Variants in PSME4 observed in about 807,000 individuals in gnomAD.
PSME4 encodes the protein proteasome activator complex subunit 4.
Under a neutral mutation model 253.9 loss-of-function variants are expected in PSME4, and 89 were observed. That is an observed-to-expected ratio of 0.35 (90% confidence interval 0.30 to 0.42). PSME4 has a LOEUF of 0.42. PSME4 is among the 10% of genes least tolerant of loss of function. The pLI is 1.00. For missense variants in PSME4, 2,014 were observed against 2,195.2 expected (o/e 0.92, Z 1.65); for synonymous variants, 851 against 759.2 (o/e 1.12, Z -1.99).
chr2:53,911,227 G>A (rs1483501556), intron 20 of PSME4, among the ~76,000 whole-genome samples: 1 of 152,068 alleles, frequency 6.6e-6, no homozygotes, highest in Non-Finnish European at 1.5e-5. Context: ...ACCTTCTCAA[G>A]TTTCAAAACC....
intron 11 of PSME4, among the ~76,000 whole-genome samples, 191 bp from the exon 12 acceptor site, chr2:53,927,674 CA>C (rs752451551): frequency 9.2e-5 from 14 of 152,182 alleles, no homozygotes; most frequent in Non-Finnish European, 1.8e-4. Context: ...CGGCCGAGCG[CA>C]GTGGCTCACA....
At chr2:53,941,844 A>G (rs1669469717) in intron 3 of PSME4, among the ~76,000 whole-genome samples, 1 of 152,140 alleles carries the variant, frequency 6.6e-6, no homozygotes, top group Non-Finnish European at 1.5e-5. Flanking sequence ...GTTCTGCGCT[A>G]CACAGAAAAC....
chr2:53,888,891 A>T (rs1679761377), intron 37 of PSME4, 79 bp from the exon 38 acceptor site: 5 of 1,206,016 alleles, frequency 4.1e-6, no homozygotes, highest in South Asian at 2.7e-5. Flanking sequence ...TATTTAATTT[A>T]ATTTTATTTT....
At chr2:53,966,966 G>A (rs997817330) in intron 1 of PSME4, among the ~76,000 whole-genome samples, 1 of 152,102 alleles carries the variant, frequency 6.6e-6, no homozygotes, top group Admixed American at 6.5e-5. Context: ...CCAAAGTGCT[G>A]GGATTACAGG....
At chr2:53,873,072 C>T (rs1361083185) in intron 43 of PSME4, among the ~76,000 whole-genome samples, 1 of 151,478 alleles carries the variant, frequency 6.6e-6, no homozygotes, top group African/African-American at 2.4e-5. Flanking sequence ...AACCCCGTCT[C>T]TACTAAAAAT....
rs1679680361 is a variant in PSME4, at chr2:53,887,193, A to T, written c.4729+66T>A. The T allele has an allele frequency of 7.7e-6, 11 of 1,424,736 alleles. No individual in the cohort carries two copies. In the South Asian group the frequency reaches 1.3e-4, roughly 17 times the overall value. The allele number at this position is 1,424,736 out of a possible 1,614,324, so 88.3% of individuals were successfully genotyped here. A position where few individuals can be genotyped will look rare whatever the true frequency, so the allele number is the denominator to read the frequency against. Reference sequence around the variant, plus strand: ...TTTACCACAATAAAAAAAGTGGTGCAAAAAACTCTACAGGATAATCAAATA... The same window carrying T: ...TTTACCACAATAAAAAAAGTGGTGCTAAAAACTCTACAGGATAATCAAATA... On this transcript the variant is annotated intron_variant, in intron 40 of 46. Coordinates refer to ENST00000404125, the MANE Select transcript of PSME4 (RefSeq NM_014614.3).
intron 1 of PSME4, among the ~76,000 whole-genome samples, chr2:53,951,745 A>T (rs539800732): frequency 7.2e-5 from 11 of 152,354 alleles, no homozygotes; most frequent in African/African-American, 2.6e-4. Flanking sequence ...GAGATGCTCA[A>T]TCGGTAAGAA....
chr2:53,908,663 C>G (rs944740593), intron 22 of PSME4, 98 bp from the exon 23 acceptor site: 14 of 1,454,510 alleles, frequency 9.6e-6, no homozygotes, highest in African/African-American at 1.4e-5. Flanking sequence ...AAAAAAATCA[C>G]TGCCCAATAT....
chr2:53,965,655 G>A (rs1194876773), intron 1 of PSME4, among the ~76,000 whole-genome samples: 1 of 145,732 alleles, frequency 6.9e-6, no homozygotes, highest in Non-Finnish European at 1.5e-5. Context: ...TAAAATTTTG[G>A]TTGTGTGTTT....
chr2:53,911,031 C>T lies in PSME4; in HGVS notation c.2517-901G>A, dbSNP rs190796636. ...CATGAAGAAAATACTATTTTTAAAT[C>T]AACACATCCCCAGCTATATTGTATA... On this transcript the variant is annotated intron_variant, in intron 20 of 46. Transcript: ENST00000404125. Among the ~76,000 whole-genome samples, 25 of 152,272 alleles carry T rather than the reference C, an allele frequency of 1.6e-4. No homozygotes were observed. In the East Asian group the frequency reaches 2.9e-3, roughly 18 times the overall value.
intron 41 of PSME4, among the ~76,000 whole-genome samples, chr2:53,882,644 T>C (rs1210962184): frequency 6.6e-6 from 1 of 152,190 alleles, no homozygotes; most frequent in Non-Finnish European, 1.5e-5. Flanking sequence ...GGCTCAAAAC[T>C]TCACGCTGTT....
At chr2:53,926,539 G>A (rs1668565263) in intron 12 of PSME4, among the ~76,000 whole-genome samples, 1 of 152,064 alleles carries the variant, frequency 6.6e-6, no homozygotes, top group Non-Finnish European at 1.5e-5. Context: ...CAATTAGCCA[G>A]GCATGTTGGC....
At chr2:53,965,690 G>C (rs182689988) in intron 1 of PSME4, among the ~76,000 whole-genome samples, 3 of 142,474 alleles carry the variant, frequency 2.1e-5, no homozygotes, top group Admixed American at 1.4e-4. Flanking sequence ...TTTTGAGTCA[G>C]AGTCTCGCTC....
chr2:53,954,738 G>T (rs2104481677), intron 1 of PSME4, among the ~76,000 whole-genome samples: 1 of 152,066 alleles, frequency 6.6e-6, no homozygotes, highest in Non-Finnish European at 1.5e-5. Context: ...CTACTTGGGA[G>T]GCTGAGGCAG....
rs1467016397 is a variant in PSME4 at position 53,897,760 on chromosome 2, C to T, written c.3606+110G>A. ...AACAGGGGGAGATTTCAAATCAATA[C>T]ACTTCAAGATATTTATTAACCAAGT... On this transcript the variant is annotated intron_variant, in intron 31 of 46. Transcript: ENST00000404125. 4.9e-6 allele frequency: 6 copies of T among 1,234,974 alleles called. No homozygotes were observed. In the South Asian group the frequency reaches 5.9e-5, roughly 12 times the overall value. 76.5% of individuals were successfully genotyped at this position (1,234,974 alleles called of 1,614,324 possible).
chr2:53,965,386 C>G (rs141646394), intron 1 of PSME4, among the ~76,000 whole-genome samples: 39 of 152,036 alleles, frequency 2.6e-4, no homozygotes, highest in African/African-American at 8.9e-4. Flanking sequence ...CGAGTGCCAC[C>G]ATACCAGCCT....
At chr2:53,902,174 A>G (rs1432523211) in intron 27 of PSME4, among the ~76,000 whole-genome samples, 2 of 152,248 alleles carry the variant, frequency 1.3e-5, no homozygotes, top group Admixed American at 6.5e-5. Context: ...CTTCAACTGT[A>G]TCATAAAAAC....
At chr2:53,906,479 G>A in intron 26 of PSME4, 119 bp downstream of exon 26, 1 of 1,347,772 alleles carries the variant, frequency 7.4e-7, no homozygotes, top group South Asian at 2.4e-5. Flanking sequence ...TCCAATAATT[G>A]AGAGAATAAT....
At chr2:53,939,120 T>TA (rs1669262278) in intron 4 of PSME4, among the ~76,000 whole-genome samples, 1 of 152,202 alleles carries the variant, frequency 6.6e-6, no homozygotes. Context: ...AGGGTGAACC[T>TA]TAAGTTGCTT....
Sources: gnomAD v4.1 joint callset for allele counts (sites outside exome capture counted in the v4.1 genomes callset) on GRCh38, gnomAD v4.1.1 for gene constraint, MANE v1.5 for transcripts, NCBI Gene and HGNC (gene_info 2026-07-23, HGNC 2026-07-21) for gene names.